PALS2: variants seen among roughly 807,000 people sequenced by gnomAD.
PALS2 encodes the protein protein associated with LIN7 2, MAGUK p55 family member.
In PALS2, 27 loss-of-function variants were observed where a neutral mutation model predicts 61.6. That is an observed-to-expected ratio of 0.44 (90% confidence interval 0.32 to 0.60). The LOEUF is 0.60. Among genes scored for constraint, PALS2 ranks in the 20% least tolerant of loss-of-function variants. PALS2 has a pLI of 0.05. For synonymous variants in PALS2, 236 were observed against 218.6 expected, an observed-to-expected ratio of 1.08 and a Z score of -0.70; for missense variants, 554 against 639.4, an observed-to-expected ratio of 0.87 and a Z score of 1.44.
chr7:24,621,937 A>G (rs1312683566), intron 1 of PALS2, among the ~76,000 whole-genome samples: 1 of 151,878 alleles, frequency 6.6e-6, no homozygotes, highest in African/African-American at 2.4e-5. Context: ...TGAAAAAACT[A>G]TTTTTTTCTT....
intron 1 of PALS2, among the ~76,000 whole-genome samples, chr7:24,602,064 A>G (rs1259751057): frequency 6.6e-6 from 1 of 151,812 alleles, no homozygotes; most frequent in African/African-American, 2.4e-5. Flanking sequence ...ATGCCCTCTA[A>G]TCAGGTTCTC....
In PALS2 at chr7:24,658,311, C is replaced by T. The variant is rs76388182; in HGVS notation, c.652-5279C>T. Among the ~76,000 whole-genome samples, 921 of 152,202 alleles carry T rather than the reference C, an allele frequency of 6.1e-3. 31 individuals are homozygous for T. The East Asian group carries it at 0.096, about 16-fold the overall frequency. On this transcript the variant is annotated intron_variant, in intron 5 of 11. Coordinates refer to ENST00000222644, the MANE Select transcript of PALS2 (RefSeq NM_001303037.2). ...CTGCATGTGTTTAATAGACTTAATC[C>T]TTCCTATAGTTTCTTGAACCATGAA...
intron 1 of PALS2, among the ~76,000 whole-genome samples, chr7:24,623,091 G>C (rs1385613566): frequency 6.6e-6 from 1 of 151,504 alleles, no homozygotes; most frequent in Non-Finnish European, 1.5e-5. Context: ...TTTTGCATTT[G>C]TATTTCTAGG....
chr7:24,614,889 C>T (rs1264768519), intron 1 of PALS2, among the ~76,000 whole-genome samples: 2 of 151,806 alleles, frequency 1.3e-5, no homozygotes, highest in Admixed American at 1.3e-4. Context: ...CATTTATGAC[C>T]ATATGTTAGG....
In PALS2 at chr7:24,679,274, G is replaced by T. The variant is rs1401287018; in HGVS notation, c.1258G>T (p.Asp420Tyr). Residue 420 changes from aspartate to tyrosine, a missense_variant, in exon 10 of 12, where the codon GAT (aspartate) becomes TAT (tyrosine). Asp to Tyr is a radical substitution (Grantham distance 160). Coordinates refer to ENST00000222644, the MANE Select transcript of PALS2 (RefSeq NM_001303037.2). ...YEGNLYGTKIDSILEVVQTGR... is the reference protein window; with the variant it reads ...YEGNLYGTKIYSILEVVQTGR... Reference sequence around the variant, plus strand: ...AGGAAATCTCTATGGAACCAAAATTGATTCTATTCTTGAGGTTGTCCAAAC... The same window carrying T: ...AGGAAATCTCTATGGAACCAAAATTTATTCTATTCTTGAGGTTGTCCAAAC... 2 of 1,614,078 alleles carry T rather than the reference G, an allele frequency of 1.2e-6. No individual in the cohort carries two copies. The highest frequency in any genetic ancestry group is 3.3e-5 in the Admixed American group (2 of 60,012).
chr7:24,576,002 G>A (rs905672507), intron 1 of PALS2, among the ~76,000 whole-genome samples: 2 of 151,866 alleles, frequency 1.3e-5, no homozygotes, highest in African/African-American at 4.8e-5. Context: ...GGTAAGTATA[G>A]TTAACCATGT....
chr7:24,656,854 T>G (rs1336911597), intron 5 of PALS2, among the ~76,000 whole-genome samples: 2 of 152,182 alleles, frequency 1.3e-5, no homozygotes, highest in Non-Finnish European at 2.9e-5. Context: ...TGTGTCCACT[T>G]CTCATTCTTC....
chr7:24,576,747 G>C (rs1243770272), intron 1 of PALS2, among the ~76,000 whole-genome samples: 2 of 152,190 alleles, frequency 1.3e-5, no homozygotes, highest in African/African-American at 4.8e-5. Flanking sequence ...TCTGTGAAGT[G>C]TATCTATATC....
Position 24,621,970 on chromosome 7 carries a change from G to A in PALS2, c.-2-1696G>A, listed in dbSNP as rs1320134686. Among the ~76,000 whole-genome samples, 3 of 151,990 alleles carry A rather than the reference G, an allele frequency of 2.0e-5. No homozygotes were observed. The East Asian group carries it at 5.8e-4, about 29-fold the overall frequency. ...CTTTATTGAATTGTCTTGGCACATTGTCAGAATCAATTGACCATAAATGTA... is the reference window on the plus strand; with the variant it reads ...CTTTATTGAATTGTCTTGGCACATTATCAGAATCAATTGACCATAAATGTA... On this transcript the variant is annotated intron_variant, in intron 1 of 11. Transcript: ENST00000222644.
chr7:24,587,695 A>G (rs1345005458), intron 1 of PALS2, among the ~76,000 whole-genome samples: 1 of 152,008 alleles, frequency 6.6e-6, no homozygotes, highest in African/African-American at 2.4e-5. Flanking sequence ...AAGTGTGGAA[A>G]GTACGTGGCT....
At chr7:24,634,423 G>T (rs1218907649) in intron 2 of PALS2, among the ~76,000 whole-genome samples, 1 of 152,014 alleles carries the variant, frequency 6.6e-6, no homozygotes, top group Non-Finnish European at 1.5e-5. Flanking sequence ...GTAGAAACGG[G>T]GTTTCACCGT....
intron 1 of PALS2, among the ~76,000 whole-genome samples, chr7:24,603,569 C>T (rs1179645398): frequency 2.0e-5 from 3 of 152,154 alleles, no homozygotes; most frequent in Admixed American, 6.6e-5. Context: ...ATGCATTTCC[C>T]AGTCCATCAC....
intron 2 of PALS2, among the ~76,000 whole-genome samples, chr7:24,630,398 G>C (rs11761409): frequency 6.6e-6 from 1 of 152,070 alleles, no homozygotes; most frequent in Admixed American, 6.6e-5. Context: ...ATGGGTTGAT[G>C]GGTGCAGCAA....
At chr7:24,660,408 A>G (rs1380324733) in intron 5 of PALS2, among the ~76,000 whole-genome samples, 1 of 152,184 alleles carries the variant, frequency 6.6e-6, no homozygotes, top group East Asian at 1.9e-4. Context: ...AAAATTACAT[A>G]TCCTTTTTCA....
intron 11 of PALS2, among the ~76,000 whole-genome samples, chr7:24,684,765 C>A (rs1300601097): frequency 6.6e-6 from 1 of 151,806 alleles, no homozygotes; most frequent in Non-Finnish European, 1.5e-5. Context: ...GCCTTTTTTT[C>A]CTCTTATCCT....
intron 2 of PALS2, among the ~76,000 whole-genome samples, chr7:24,634,676 T>G (rs748801943): frequency 6.6e-6 from 1 of 152,218 alleles, no homozygotes; most frequent in African/African-American, 2.4e-5. Context: ...CTTTATAGTT[T>G]TAGCTCTTAC....
At chr7:24,652,295 A>G (rs1786195393) in intron 5 of PALS2, among the ~76,000 whole-genome samples, 1 of 152,198 alleles carries the variant, frequency 6.6e-6, no homozygotes, top group Non-Finnish European at 1.5e-5. Context: ...GCAAAATAAA[A>G]TTTTATAATA....
At chr7:24,615,298 A>G (rs1784254318) in intron 1 of PALS2, among the ~76,000 whole-genome samples, 1 of 151,952 alleles carries the variant, frequency 6.6e-6, no homozygotes, top group South Asian at 2.1e-4. Context: ...CAGAGCAGAA[A>G]GTAAAGACTA....
At chr7:24,663,045 G>A (rs914268861) in intron 5 of PALS2, among the ~76,000 whole-genome samples, 1 of 152,042 alleles carries the variant, frequency 6.6e-6, no homozygotes, top group African/African-American at 2.4e-5. Flanking sequence ...ATTTAATGTT[G>A]ATCATTTAAA....
Sources: allele counts gnomAD v4.1 joint callset (sites outside exome capture counted in the v4.1 genomes callset), GRCh38; gene constraint gnomAD v4.1.1; transcripts MANE v1.5; gene names NCBI Gene and HGNC (gene_info 2026-07-23, HGNC 2026-07-21).